Variants in ANKRD17 observed in about 807,000 individuals in gnomAD.
ANKRD17 encodes ankyrin repeat domain-containing protein 17.
In ANKRD17, 19 loss-of-function variants were observed where a neutral mutation model predicts 229.7. That is an observed-to-expected ratio of 0.08 (90% CI 0.06 to 0.12). The LOEUF is 0.12. Among genes scored for constraint, ANKRD17 ranks in the 10% least tolerant of loss-of-function variants. The probability of loss-of-function intolerance (pLI) is 1.00; values close to 1 mark genes in which losing one functional copy is unlikely to be tolerated. For missense variants in ANKRD17, 2,176 were observed against 3,176.8 expected (o/e 0.68, Z 7.57); for synonymous variants, 1,112 against 1,146.1 (o/e 0.97, Z 0.60).
intron 1 of ANKRD17, among the ~76,000 whole-genome samples, chr4:73,256,046 C>T (rs747301728): frequency 7.2e-5 from 11 of 152,172 alleles, no homozygotes; most frequent in Non-Finnish European, 1.3e-4. Flanking sequence ...CTTTCTTACA[C>T]GTATTTCTCC....
At chr4:73,211,800 T>C (rs1740302902) in intron 1 of ANKRD17, among the ~76,000 whole-genome samples, 1 of 145,218 alleles carries the variant, frequency 6.9e-6, no homozygotes, top group Non-Finnish European at 1.5e-5. Context: ...TGAGCTGAGA[T>C]GGTGCCATTG....
chr4:73,227,307 C>G (rs1278760857), intron 1 of ANKRD17, among the ~76,000 whole-genome samples: 1 of 152,094 alleles, frequency 6.6e-6, no homozygotes, highest in African/African-American at 2.4e-5. Context: ...GCGCCCACCA[C>G]CACGCCTGGC....
intron 1 of ANKRD17, among the ~76,000 whole-genome samples, chr4:73,210,755 G>A (rs1740144705): frequency 6.6e-6 from 1 of 151,114 alleles, no homozygotes; most frequent in South Asian, 2.1e-4. Context: ...CCATTATGAG[G>A]GCCCAAAAGA....
chr4:73,155,879 T>C lies in ANKRD17; in HGVS notation c.853-101A>G, dbSNP rs1014113323. ...GTCTACCTAGTCATAGTAAAAGAGC[T>C]ATAAGCACACAAAATTTATCTAACA... On this transcript the variant is annotated intron_variant, in intron 4 of 33. Coordinates refer to ENST00000358602, the MANE Select transcript of ANKRD17 (RefSeq NM_032217.5). 8 of 1,476,170 alleles carry C rather than the reference T, an allele frequency of 5.4e-6. No homozygotes were observed. The African/African-American group carries it at 7.1e-5, about 13-fold the overall frequency. 91.4% of individuals were successfully genotyped at this position (1,476,170 alleles called of 1,614,324 possible).
Position 73,090,661 on chromosome 4 carries a change from A to G in ANKRD17, c.6961+6T>C, listed in dbSNP as rs760698155. The G allele has an allele frequency of 6.2e-7, 1 of 1,613,988 alleles. No individual in the cohort carries two copies. The highest frequency in any genetic ancestry group is 1.1e-5 in the South Asian group (1 of 91,050). ...AGCTGCAGAATCTCAGAAAATATAA[A>G]CTCACCTGAGGGACTTGGAGCAGGT... On this transcript the variant is annotated splice_donor_region_variant and intron_variant, in intron 29 of 33. Coordinates refer to ENST00000358602, the MANE Select transcript of ANKRD17 (RefSeq NM_032217.5).
At chr4:73,202,409 G>T (rs1738799019) in intron 1 of ANKRD17, among the ~76,000 whole-genome samples, 1 of 147,074 alleles carries the variant, frequency 6.8e-6, no homozygotes, top group Non-Finnish European at 1.5e-5. Context: ...AGAAATTAAT[G>T]CAGCTAAAAC....
At chr4:73,250,833 A>G (rs1165871451) in intron 1 of ANKRD17, among the ~76,000 whole-genome samples, 1 of 151,790 alleles carries the variant, frequency 6.6e-6, no homozygotes, top group African/African-American at 2.4e-5. Context: ...CAGCCTCCCA[A>G]GTAGCTGGGA....
chr4:73,231,824 G>A (rs1315212569), intron 1 of ANKRD17, among the ~76,000 whole-genome samples: 5 of 152,138 alleles, frequency 3.3e-5, no homozygotes, highest in African/African-American at 1.2e-4. Context: ...ATCCCCAACG[G>A]CTGATAGTTT....
chr4:73,156,119 C>A lies in ANKRD17; in HGVS notation c.752G>T (p.Arg251Leu). The change falls in exon 4 of 34, where the codon CGA becomes CTA. Residue 251 changes from arginine to leucine, a missense_variant. Coordinates refer to ENST00000358602, the MANE Select transcript of ANKRD17 (RefSeq NM_032217.5). ...ACTTCGCCCTTCAATGAGTAACTTT[C>A]GCACAGCATTTACATCTCCTTCTGA... ...ACSEGDVNAV[R>L]KLLIEGRSVN... 6.2e-7 allele frequency: 1 copy of A among 1,612,986 alleles called. No individual in the cohort carries two copies. The highest frequency in any genetic ancestry group is 8.5e-7 in the Non-Finnish European group (1 of 1,179,784).
intron 16 of ANKRD17, among the ~76,000 whole-genome samples, chr4:73,129,384 G>A (rs895297464): frequency 2.0e-5 from 3 of 152,174 alleles, no homozygotes; most frequent in Admixed American, 6.5e-5. Flanking sequence ...AACTTTTAAT[G>A]AGCTGAAATT....
At chr4:73,218,642 CAAA>C (rs919657671) in intron 1 of ANKRD17, among the ~76,000 whole-genome samples, 6 of 59,668 alleles carry the variant, frequency 1.0e-4, no homozygotes, top group Admixed American at 1.6e-4. Context: ...GACTCTGTCT[CAAA>C]AAAAAAAAAA....
intron 1 of ANKRD17, among the ~76,000 whole-genome samples, chr4:73,257,986 A>G (rs1745619589): frequency 8.5e-6 from 1 of 117,228 alleles, no homozygotes; most frequent in African/African-American, 3.3e-5. Context: ...GCGTGCAAAC[A>G]GGGAATCTAA....
At position 73,124,288 on chromosome 4, in the gene ANKRD17, GA is replaced by G. The variant is rs59284237; in HGVS notation, c.3492+624del. ...ATCCCCTGTACAAAGGACTGAATTT[GA>G]AAAAAAAAAAAAGGTTATCTAGCTG... On this transcript the variant is annotated intron_variant, in intron 18 of 33. Transcript: ENST00000358602. 9.3e-4 allele frequency among the ~76,000 whole-genome samples: 89 copies of G among 96,170 alleles called. 4 individuals carry two copies. The highest frequency in any genetic ancestry group is 2.1e-3 in the African/African-American group (46 of 21,772). The allele number at this position is 96,170 out of a possible 152,430, so 63.1% of individuals were successfully genotyped here.
intron 3 of ANKRD17, among the ~76,000 whole-genome samples, chr4:73,158,492 C>T (rs1732069402): frequency 6.6e-6 from 1 of 152,214 alleles, no homozygotes; most frequent in South Asian, 2.1e-4. Context: ...ACATGGCTCA[C>T]TCCCTTCCCT....
intron 1 of ANKRD17, among the ~76,000 whole-genome samples, chr4:73,181,915 G>A (rs1248692888): frequency 2.0e-5 from 3 of 151,164 alleles, no homozygotes; most frequent in Non-Finnish European, 4.4e-5. Flanking sequence ...AGGCATGGTG[G>A]TGCACTCCTA....
At chr4:73,086,787 G>C (rs1335887123) in intron 29 of ANKRD17, among the ~76,000 whole-genome samples, 1 of 144,972 alleles carries the variant, frequency 6.9e-6, no homozygotes, top group Admixed American at 7.0e-5. Flanking sequence ...AGCTTTTATA[G>C]AACACATGTC....
intron 1 of ANKRD17, among the ~76,000 whole-genome samples, chr4:73,228,926 G>A (rs537220940): frequency 4.6e-5 from 7 of 152,214 alleles, no homozygotes; most frequent in Admixed American, 3.3e-4. Context: ...AATGTGGCAC[G>A]TATACACCAT....
chr4:73,184,409 A>G (rs1735993977), intron 1 of ANKRD17, among the ~76,000 whole-genome samples: 1 of 151,390 alleles, frequency 6.6e-6, no homozygotes, highest in Non-Finnish European at 1.5e-5. Context: ...GGTGCCTGTA[A>G]TCCTAGCTAC....
rs1553933228 is a variant in ANKRD17, at chr4:73,191,341, A to ATATGTGTGTGTGTGTGTGTGTG, written c.394-13809_394-13808insCACACACACACACACACACATA. Among the ~76,000 whole-genome samples the ATATGTGTGTGTGTGTGTGTGTG allele has an allele frequency of 2.9e-3, 365 of 125,266 alleles. 2 individuals carry two copies. The highest frequency in any genetic ancestry group is 0.014 in the East Asian group (58 of 4,086). The allele number at this position is 125,266 out of a possible 152,430, so 82.2% of individuals were successfully genotyped here. A position where few individuals can be genotyped will look rare whatever the true frequency, so the allele number is the denominator to read the frequency against. ...AATAGGCCCCTACCAAAAAATATAT[A>ATATGTGTGTGTGTGTGTGTGTG]TGTGTGTGTGTGTGTGTGTGTGTGT... On this transcript the variant is annotated intron_variant, in intron 1 of 33. Coordinates refer to ENST00000358602, the MANE Select transcript of ANKRD17 (RefSeq NM_032217.5).
Sources: gnomAD v4.1 joint callset for allele counts (sites outside exome capture counted in the v4.1 genomes callset) on GRCh38, gnomAD v4.1.1 for gene constraint, MANE v1.5 for transcripts, NCBI Gene and HGNC (gene_info 2026-07-23, HGNC 2026-07-21) for gene names.